The following CEP112 variants were observed in gnomAD, a reference collection of about 807,000 sequenced individuals.
The protein encoded by CEP112 is centrosomal protein 112.
A neutral mutation model predicts 153.0 loss-of-function variants in CEP112; 127 were observed. That is an observed-to-expected ratio of 0.83 (90% CI 0.72 to 0.96). The LOEUF is 0.96. Ranked by LOEUF, CEP112 falls within the 40% of genes least tolerant of loss-of-function variation. CEP112 has a pLI of 0.00. For synonymous variants in CEP112, 358 were observed against 374.4 expected (o/e 0.96, Z 0.51); for missense variants, 1,089 against 1,101.2 (o/e 0.99, Z 0.16).
At chr17:65,799,097 T>C (rs530267293) in intron 21 of CEP112, among the ~76,000 whole-genome samples, 9 of 152,310 alleles carry the variant, frequency 5.9e-5, no homozygotes, top group African/African-American at 1.7e-4. Context: ...GGTTTAAGTA[T>C]ATGATAATGT....
At chr17:66,073,739 TTC>T (rs1429067950) in intron 8 of CEP112, among the ~76,000 whole-genome samples, 1 of 152,210 alleles carries the variant, frequency 6.6e-6, no homozygotes, top group Non-Finnish European at 1.5e-5. Context: ...ATCTTTGGCT[TTC>T]TATGTATTTG....
intron 20 of CEP112, among the ~76,000 whole-genome samples, chr17:65,866,343 G>A (rs747844683): frequency 2.6e-5 from 4 of 152,372 alleles, no homozygotes; most frequent in Admixed American, 6.5e-5. Context: ...GGGCACCAAC[G>A]GGCATGGGAG....
chr17:65,899,360 T>C (rs979265950), intron 20 of CEP112, among the ~76,000 whole-genome samples: 17 of 152,112 alleles, frequency 1.1e-4, no homozygotes, highest in African/African-American at 2.4e-4. Flanking sequence ...TATCCTGCCA[T>C]TGAAAATCAA....
chr17:65,701,888 TTTTTTTTTTG>T (rs1452851776), intron 23 of CEP112, among the ~76,000 whole-genome samples: 1 of 146,984 alleles, frequency 6.8e-6, no homozygotes, highest in Non-Finnish European at 1.5e-5. Flanking sequence ...TTCAACTTCT[TTTTTTTTTTG>T]TTTTTTTTTT....
At chr17:65,877,468 A>G (rs1282415360) in intron 20 of CEP112, among the ~76,000 whole-genome samples, 2 of 152,204 alleles carry the variant, frequency 1.3e-5, no homozygotes, top group African/African-American at 4.8e-5. Context: ...TTAAAGTAGT[A>G]GCTTGCTCAA....
intron 4 of CEP112, 147 bp downstream of exon 4, chr17:66,174,897 T>TA: frequency 2.1e-6 from 1 of 476,912 alleles, no homozygotes; most frequent in Non-Finnish European, 3.4e-6. Context: ...ATTAAATGGC[T>TA]AAAAATATAA....
chr17:65,969,979 A>C (rs1366232708), intron 17 of CEP112, among the ~76,000 whole-genome samples: 2 of 152,234 alleles, frequency 1.3e-5, no homozygotes, highest in Non-Finnish European at 2.9e-5. Flanking sequence ...TAACATGCAT[A>C]TCACACGCAT....
At chr17:65,695,603 CA>C (rs1269324049) in intron 23 of CEP112, among the ~76,000 whole-genome samples, 1 of 152,066 alleles carries the variant, frequency 6.6e-6, no homozygotes, top group Non-Finnish European at 1.5e-5. Flanking sequence ...AAGTTCATTT[CA>C]ATTATAAAGT....
intron 6 of CEP112, among the ~76,000 whole-genome samples, chr17:66,128,855 G>C (rs1163665673): frequency 1.3e-5 from 2 of 151,952 alleles, no homozygotes; most frequent in Non-Finnish European, 2.9e-5. Context: ...ATATAAGATA[G>C]CATTTATAAT....
rs759499903 is a variant in CEP112, at chr17:66,030,036, G to A, written c.1219-13C>T. 6.2e-6 allele frequency: 10 copies of A among 1,608,940 alleles called. No homozygotes were observed. The highest frequency in any genetic ancestry group is 8.5e-6 in the Non-Finnish European group (10 of 1,177,988). On this transcript the variant is annotated splice_polypyrimidine_tract_variant and intron_variant, in intron 12 of 26. Coordinates refer to ENST00000535342, the MANE Select transcript of CEP112 (RefSeq NM_001199165.4). ...TGATCATGTGGTTCTAAAAGAACAG[G>A]TCATGGTTAAGAAAGTCTCTGACTC...
At chr17:66,047,787 TTACAAAAGATG>T (rs1419613691) in intron 12 of CEP112, among the ~76,000 whole-genome samples, 1 of 152,212 alleles carries the variant, frequency 6.6e-6, no homozygotes, top group Non-Finnish European at 1.5e-5. Context: ...GGAATAAATA[TTACAAAAGATG>T]TCCTAAAGAC....
chr17:65,848,067 T>C (rs1290642579), intron 21 of CEP112, among the ~76,000 whole-genome samples: 3 of 152,192 alleles, frequency 2.0e-5, no homozygotes, highest in Admixed American at 2.0e-4. Flanking sequence ...CCATCAATGA[T>C]CTCTGATTCT....
intron 4 of CEP112, among the ~76,000 whole-genome samples, chr17:66,154,666 AGAAG>A (rs2071358830): frequency 6.6e-6 from 1 of 152,164 alleles, no homozygotes; most frequent in Admixed American, 6.5e-5. Context: ...AGGTAAAATA[AGAAG>A]CTTCTAGAAA....
rs368889863 is a variant in CEP112, at chr17:65,961,512, C to A, written c.1823G>T (p.Arg608Leu). ...TTTCTCTGAGTTCAGTTCCACCTGCCGCTTAAACTCTTCCAGAGCGGCATC... is the reference window on the plus strand; with the variant it reads ...TTTCTCTGAGTTCAGTTCCACCTGCAGCTTAAACTCTTCCAGAGCGGCATC... ...QADAALEEFK[R>L]QVELNSEKVY... The change falls in exon 18 of 27, where the codon CGG (arginine) becomes CTG (leucine). Residue 608 changes from arginine (R) to leucine (L), a missense_variant. By Grantham distance (102) the Arg-to-Leu change is moderately radical. Transcript: ENST00000535342. 6.2e-7 allele frequency: 1 copy of A among 1,612,982 alleles called. No individual in the cohort carries two copies. Among genetic ancestry groups the A allele is most frequent in the African/African-American group, 1.3e-5 (1 of 74,912 alleles).
intron 17 of CEP112, among the ~76,000 whole-genome samples, chr17:65,979,408 A>T (rs535949224): frequency 1.3e-5 from 2 of 151,834 alleles, no homozygotes; most frequent in African/African-American, 2.4e-5. Flanking sequence ...TATTTTTATT[A>T]AAAAAATTTT....
intron 4 of CEP112, among the ~76,000 whole-genome samples, chr17:66,141,520 T>C (rs1246136867): frequency 6.6e-6 from 1 of 152,184 alleles, no homozygotes. Context: ...AACGTTTTCA[T>C]CTTCTGTAGC....
At chr17:66,142,670 G>GT (rs750264344) in intron 4 of CEP112, among the ~76,000 whole-genome samples, 3 of 152,096 alleles carry the variant, frequency 2.0e-5, no homozygotes, top group South Asian at 4.1e-4. Flanking sequence ...AAATGCGTGG[G>GT]TTTATTTCTG....
At chr17:65,699,415 T>C (rs993470314) in intron 23 of CEP112, among the ~76,000 whole-genome samples, 27 of 152,178 alleles carry the variant, frequency 1.8e-4, no homozygotes, top group African/African-American at 6.3e-4. Context: ...AATAACTGAG[T>C]TTTACCCAGT....
intron 4 of CEP112, among the ~76,000 whole-genome samples, chr17:66,168,485 G>GTATATA (rs2072091777): frequency 7.1e-6 from 1 of 140,944 alleles, no homozygotes; most frequent in Non-Finnish European, 1.6e-5. Context: ...ATGTATATAT[G>GTATATA]TGTGTGTGTA....
Sources: gnomAD v4.1 joint callset for allele counts (sites outside exome capture counted in the v4.1 genomes callset) on GRCh38, gnomAD v4.1.1 for gene constraint, MANE v1.5 for transcripts, NCBI Gene and HGNC (gene_info 2026-07-23, HGNC 2026-07-21) for gene names.